Variants in KNSTRN observed in about 807,000 individuals in gnomAD.
KNSTRN encodes kinetochore localized astrin (SPAG5) binding protein.
Under a neutral mutation model 44.7 loss-of-function variants are expected in KNSTRN, and 38 were observed. That is an observed-to-expected ratio of 0.85 (90% CI 0.66 to 1.11). The LOEUF (loss-of-function observed/expected upper bound fraction) is 1.11. Among genes scored for constraint, KNSTRN ranks in the 50% most tolerant of loss-of-function variants. KNSTRN has a pLI of 0.00. For missense variants in KNSTRN, 406 were observed against 375.8 expected (o/e 1.08, Z -0.66); for synonymous variants, 158 against 148.1 (o/e 1.07, Z -0.48).
chr15:40,390,890 C>T (rs1357518473), intron 6 of KNSTRN, among the ~76,000 whole-genome samples: 2 of 152,180 alleles, frequency 1.3e-5, no homozygotes, highest in East Asian at 1.9e-4. Context: ...GCTGGGTTTA[C>T]AGACATGAGT....
In KNSTRN at chr15:40,382,824, C is replaced by A; in HGVS notation, c.-12C>A. The A allele has an allele frequency of 4.3e-6, 7 of 1,609,716 alleles. No individual in the cohort carries two copies. Among genetic ancestry groups the A allele is most frequent in the Non-Finnish European group, 5.9e-6 (7 of 1,178,834 alleles). On this transcript the variant is annotated 5_prime_UTR_variant, in exon 1 of 9. Transcript: ENST00000249776. ...GTCTGGCTCTGGCCTCTGAGCGAAC[C>A]TTCCGTACAGTATGGCGGCTCCCGA...
chr15:40,386,694 A>T (rs1036107340), intron 3 of KNSTRN, 200 bp downstream of exon 3: 1 of 592,458 alleles, frequency 1.7e-6, no homozygotes, highest in African/African-American at 1.9e-5. Flanking sequence ...AGCCAGAGTT[A>T]TAAGAGGTGT....
At chr15:40,391,323 A>G (rs1403855950) in intron 6 of KNSTRN, among the ~76,000 whole-genome samples, 170 bp from the exon 7 acceptor site, 1 of 152,234 alleles carries the variant, frequency 6.6e-6, no homozygotes, top group African/African-American at 2.4e-5. Context: ...TTTGCAGGGC[A>G]GATATGGGTG....
chr15:40,386,604 T>A, intron 3 of KNSTRN, 110 bp downstream of exon 3: 1 of 1,152,252 alleles, frequency 8.7e-7, no homozygotes, highest in Non-Finnish European at 1.2e-6. Context: ...ACAACTGGCC[T>A]TCAATCAGTG....
rs1379466186 is a variant in KNSTRN, at chr15:40,393,112, T to C, written c.823-357T>C. 53 of 1,438,874 alleles carry C rather than the reference T, an allele frequency of 3.7e-5. No individual in the cohort carries two copies. The East Asian group carries it at 1.2e-3, about 31-fold the overall frequency. The allele number at this position is 1,438,874 out of a possible 1,614,324, so 89.1% of individuals were successfully genotyped here. ...TCAGAGTTGGGAATTGAGAACTATA[T>C]GTAATCCATTCTATGGAAACTTGAT... On this transcript the variant is annotated intron_variant, in intron 8 of 8. Coordinates refer to ENST00000249776, the MANE Select transcript of KNSTRN (RefSeq NM_033286.4).
At chr15:40,385,973 C>T (rs1190764904) in intron 2 of KNSTRN, among the ~76,000 whole-genome samples, 2 of 152,212 alleles carry the variant, frequency 1.3e-5, no homozygotes, top group Non-Finnish European at 2.9e-5. Context: ...AAGATTTGGC[C>T]AGGCATCGTG....
rs933411089 is a variant in KNSTRN, at chr15:40,383,438, C to A, written c.304+116C>A. The A allele has an allele frequency of 4.2e-6, 3 of 713,796 alleles. No homozygotes were observed. In the South Asian group the frequency reaches 5.1e-5, roughly 12 times the overall value. 44.2% of individuals were successfully genotyped at this position (713,796 alleles called of 1,614,324 possible). ...AAGGGCGTCCCGTCGGCCCTGAAAA[C>A]CTGTGAGCCCCCTATAACCAGGCTA... is the stretch of plus-strand genomic sequence containing the variant. On this transcript the variant is annotated intron_variant, in intron 2 of 8. Transcript: ENST00000249776.
In KNSTRN at chr15:40,382,736, G is replaced by C; in HGVS notation, c.-100G>C. On this transcript the variant is annotated 5_prime_UTR_variant, in exon 1 of 9. Coordinates refer to ENST00000249776, the MANE Select transcript of KNSTRN (RefSeq NM_033286.4). ...CTGGTAGCTCATTAGCTCCATTCAAGCCTACAAATTGCATCACCCTCCTCC... is the reference window on the plus strand; with the variant it reads ...CTGGTAGCTCATTAGCTCCATTCAACCCTACAAATTGCATCACCCTCCTCC... 1 of 1,039,138 alleles carries C rather than the reference G, an allele frequency of 9.6e-7. No individual in the cohort carries two copies. The highest frequency in any genetic ancestry group is 1.4e-6 in the Non-Finnish European group (1 of 713,868). 64.4% of individuals were successfully genotyped at this position (1,039,138 alleles called of 1,614,324 possible).
intron 4 of KNSTRN, among the ~76,000 whole-genome samples, chr15:40,388,778 C>T (rs958553876): frequency 1.3e-5 from 2 of 152,158 alleles, no homozygotes; most frequent in African/African-American, 2.4e-5. Flanking sequence ...AAACCCACAA[C>T]CTTCCAGCAT....
At chr15:40,390,305 A>G (rs886456819) in intron 6 of KNSTRN, among the ~76,000 whole-genome samples, 4 of 152,230 alleles carry the variant, frequency 2.6e-5, no homozygotes, top group Admixed American at 1.3e-4. Flanking sequence ...TTGTTTGAAC[A>G]TGCTCTTCCT....
intron 8 of KNSTRN, 147 bp downstream of exon 8, chr15:40,392,170 A>C: frequency 1.7e-6 from 1 of 576,994 alleles, no homozygotes; most frequent in Non-Finnish European, 2.8e-6. Context: ...CAGAAAATTT[A>C]CCCTGATAGT....
At chr15:40,385,760 A>G (rs916626763) in intron 2 of KNSTRN, among the ~76,000 whole-genome samples, 12 of 152,196 alleles carry the variant, frequency 7.9e-5, no homozygotes, top group African/African-American at 2.4e-4. Flanking sequence ...TTTACCTGCT[A>G]ACTTCCACCC....
chr15:40,383,428 G>T, intron 2 of KNSTRN, 106 bp downstream of exon 2: 2 of 838,924 alleles, frequency 2.4e-6, no homozygotes, highest in Non-Finnish European at 3.8e-6. Flanking sequence ...CGTCCCGTCG[G>T]CCCTGAAAAC....
intron 4 of KNSTRN, 116 bp downstream of exon 4, chr15:40,387,322 C>A: frequency 2.4e-6 from 2 of 849,662 alleles, no homozygotes; most frequent in Non-Finnish European, 4.0e-6. Context: ...CTGGGTTCCA[C>A]CTCAGGAACC....
At chr15:40,387,304 GT>G in intron 4 of KNSTRN, 98 bp downstream of exon 4, 2 of 1,034,292 alleles carry the variant, frequency 1.9e-6, no homozygotes, top group Admixed American at 1.9e-5. Context: ...TGTTTACTGT[GT>G]TAGGGTCTGG....
At chr15:40,383,642 A>G (rs1889853613) in intron 2 of KNSTRN, among the ~76,000 whole-genome samples, 1 of 152,190 alleles carries the variant, frequency 6.6e-6, no homozygotes, top group Non-Finnish European at 1.5e-5. Flanking sequence ...TCTTATTTCC[A>G]GACTTGGGCT....
rs1357166744 is a variant in KNSTRN, at chr15:40,383,326, A to G, written c.304+4A>G. Reference sequence around the variant, plus strand: ...CTGAGCGGCGGCCAGCCGGCAGGTGAGGGTCCAAGCCACGCCCGGGGCACT... The same window carrying G: ...CTGAGCGGCGGCCAGCCGGCAGGTGGGGGTCCAAGCCACGCCCGGGGCACT... On this transcript the variant is annotated splice_donor_region_variant and intron_variant, in intron 2 of 8. Transcript: ENST00000249776. 6 of 1,608,852 alleles carry G rather than the reference A, an allele frequency of 3.7e-6. No homozygotes were observed. The highest frequency in any genetic ancestry group is 5.1e-6 in the Non-Finnish European group (6 of 1,176,326).
chr15:40,382,773 C>T lies in KNSTRN; in HGVS notation c.-63C>T, dbSNP rs918266958. The T allele has an allele frequency of 3.8e-5, 56 of 1,468,690 alleles. No individual in the cohort carries two copies. The highest frequency in any genetic ancestry group is 5.1e-5 in the Non-Finnish European group (55 of 1,072,204). The allele number at this position is 1,468,690 out of a possible 1,614,324, so 91.0% of individuals were successfully genotyped here. A position where few individuals can be genotyped will look rare whatever the true frequency, so the allele number is the denominator to read the frequency against. ...CATCACCCTCCTCCTCTGCCCAGAC[C>T]TGGGGGCTCCAACACCTTTCGCTAG... On this transcript the variant is annotated 5_prime_UTR_variant, in exon 1 of 9. Coordinates refer to ENST00000249776, the MANE Select transcript of KNSTRN (RefSeq NM_033286.4).
chr15:40,393,569 AGGAAAT>A lies in KNSTRN; in HGVS notation c.927_932del (p.Met310_Glu311del). On this transcript the variant is annotated inframe_deletion, in exon 9 of 9. Transcript: ENST00000249776. ...GTAAATGATTTAACAACAGCCCTTA[AGGAAAT>A]GGAGCAGCTATTAGAAATGTAAGAA... The A allele has an allele frequency of 3.1e-6, 5 of 1,614,068 alleles. No individual in the cohort carries two copies. The highest frequency in any genetic ancestry group is 2.5e-6 in the Non-Finnish European group (3 of 1,179,984).
Sources: allele counts gnomAD v4.1 joint callset (sites outside exome capture counted in the v4.1 genomes callset), GRCh38; gene constraint gnomAD v4.1.1; transcripts MANE v1.5; gene names NCBI Gene and HGNC (gene_info 2026-07-23, HGNC 2026-07-21).